The following CLSTN2 variants were observed in gnomAD, a reference collection of about 807,000 sequenced individuals.
The protein encoded by CLSTN2 is calsyntenin-2.
Under a neutral mutation model 101.2 loss-of-function variants are expected in CLSTN2, and 48 were observed. The ratio of observed to expected loss-of-function variants is 0.47; its 90% confidence interval spans 0.38 to 0.60. The LOEUF is 0.60. Ranked by LOEUF, CLSTN2 falls within the 20% of genes least tolerant of loss-of-function variation. CLSTN2 has a pLI of 0.00. For synonymous variants in CLSTN2, 481 were observed against 463.6 expected, an observed-to-expected ratio of 1.04 and a Z score of -0.48; for missense variants, 1,160 against 1,238.2, an observed-to-expected ratio of 0.94 and a Z score of 0.95.
intron 1 of CLSTN2, among the ~76,000 whole-genome samples, chr3:140,137,218 T>G (rs2009628492): frequency 1.3e-5 from 2 of 152,058 alleles, no homozygotes; most frequent in South Asian, 2.1e-4. Context: ...AGGATCCCAA[T>G]GATACAAAAT....
At chr3:140,185,144 C>T (rs1043550852) in intron 2 of CLSTN2, among the ~76,000 whole-genome samples, 22 of 152,030 alleles carry the variant, frequency 1.4e-4, no homozygotes, top group Non-Finnish European at 1.9e-4. Context: ...ATCCCAAGTC[C>T]GGGGGACTTG....
intron 2 of CLSTN2, among the ~76,000 whole-genome samples, chr3:140,206,907 C>A (rs948198497): frequency 7.9e-5 from 12 of 152,186 alleles, no homozygotes; most frequent in South Asian, 2.1e-4. Flanking sequence ...GCTCTGGCCA[C>A]CTGCCTGAGC....
intron 1 of CLSTN2, among the ~76,000 whole-genome samples, chr3:140,076,437 G>A (rs1011190764): frequency 2.0e-5 from 3 of 151,996 alleles, no homozygotes; most frequent in Admixed American, 2.0e-4. Context: ...GCCACAAGAA[G>A]CAACAGTGCT....
chr3:140,273,953 C>T (rs191573158), intron 2 of CLSTN2, among the ~76,000 whole-genome samples: 51 of 152,196 alleles, frequency 3.4e-4, no homozygotes, highest in Non-Finnish European at 5.6e-4. Context: ...GATAGTTGAA[C>T]GCACAGAGCC....
intron 2 of CLSTN2, among the ~76,000 whole-genome samples, chr3:140,289,328 G>GT (rs60116021): frequency 0.047 from 7,079 of 150,264 alleles, 250 homozygotes; most frequent in Non-Finnish European, 0.074. Flanking sequence ...ATGGTTTTGT[G>GT]TTTTTTTTTG....
chr3:139,944,112 GATATTAACTCATTCA>G (rs2107807660), intron 1 of CLSTN2, among the ~76,000 whole-genome samples: 1 of 152,240 alleles, frequency 6.6e-6, no homozygotes, highest in East Asian at 1.9e-4. Flanking sequence ...CTGCTTTATA[GATATTAACTCATTCA>G]GCCTTCCTGA....
intron 2 of CLSTN2, among the ~76,000 whole-genome samples, chr3:140,318,530 G>T (rs537427465): frequency 2.6e-5 from 4 of 152,248 alleles, no homozygotes; most frequent in African/African-American, 4.8e-5. Context: ...ATTATCAAGG[G>T]CCCCCTCAGG....
chr3:140,161,275 C>A (rs565452370), intron 1 of CLSTN2, among the ~76,000 whole-genome samples: 6 of 152,246 alleles, frequency 3.9e-5, no homozygotes, highest in African/African-American at 1.4e-4. Context: ...ATTCAGAGTC[C>A]AAATGTATTT....
chr3:140,486,137 A>G (rs1934237237), intron 8 of CLSTN2, among the ~76,000 whole-genome samples: 1 of 152,144 alleles, frequency 6.6e-6, no homozygotes, highest in Non-Finnish European at 1.5e-5. Context: ...AAGACACATT[A>G]CATATGGGAA....
chr3:140,005,643 AG>A (rs1438373414), intron 1 of CLSTN2, among the ~76,000 whole-genome samples: 1 of 152,216 alleles, frequency 6.6e-6, no homozygotes, highest in Non-Finnish European at 1.5e-5. Context: ...GTTAGACCTG[AG>A]GAGACAAAAG....
At chr3:140,104,414 T>C (rs1001138799) in intron 1 of CLSTN2, among the ~76,000 whole-genome samples, 1 of 152,122 alleles carries the variant, frequency 6.6e-6, no homozygotes, top group African/African-American at 2.4e-5. Flanking sequence ...GGGTTCTTTG[T>C]TTGGTGCCAA....
At chr3:140,208,621 A>C (rs1182839725) in intron 2 of CLSTN2, among the ~76,000 whole-genome samples, 1 of 152,008 alleles carries the variant, frequency 6.6e-6, no homozygotes, top group Non-Finnish European at 1.5e-5. Flanking sequence ...TATTTTTTGC[A>C]TCCCTGACTC....
intron 2 of CLSTN2, among the ~76,000 whole-genome samples, chr3:140,289,002 G>A (rs539598057): frequency 1.3e-5 from 2 of 152,240 alleles, no homozygotes; most frequent in East Asian, 3.9e-4. Context: ...CTCTTTTGCT[G>A]CGTTGATTAT....
At chr3:139,937,311 C>G (rs1029073957) in intron 1 of CLSTN2, among the ~76,000 whole-genome samples, 2 of 151,526 alleles carry the variant, frequency 1.3e-5, no homozygotes, top group Non-Finnish European at 1.5e-5. Flanking sequence ...TAGAGGTAAG[C>G]GAGAAAGAGA....
chr3:140,462,098 G>A (rs1240223268), intron 7 of CLSTN2, among the ~76,000 whole-genome samples: 2 of 151,634 alleles, frequency 1.3e-5, no homozygotes, highest in Admixed American at 6.6e-5. Context: ...TAACCACTAG[G>A]GAAATATTTT....
chr3:140,496,642 T>A (rs1332070759), intron 8 of CLSTN2, among the ~76,000 whole-genome samples: 2 of 152,198 alleles, frequency 1.3e-5, no homozygotes, highest in Non-Finnish European at 2.9e-5. Flanking sequence ...GTTCCTTCAA[T>A]ATCTAGTTTA....
intron 1 of CLSTN2, among the ~76,000 whole-genome samples, chr3:140,040,932 GA>G (rs1377409841): frequency 6.6e-6 from 1 of 152,110 alleles, no homozygotes; most frequent in African/African-American, 2.4e-5. Flanking sequence ...GATGAGGAAA[GA>G]AAATGGGTCT....
chr3:140,423,661 T>A (rs540928991), intron 5 of CLSTN2, among the ~76,000 whole-genome samples: 1 of 149,670 alleles, frequency 6.7e-6, no homozygotes, highest in African/African-American at 2.6e-5. Context: ...CCACCACCCA[T>A]TTTTTCTTTT....
chr3:140,290,240 A>G (rs192402465), intron 2 of CLSTN2, among the ~76,000 whole-genome samples: 22 of 152,126 alleles, frequency 1.4e-4, no homozygotes, highest in Non-Finnish European at 2.8e-4. Flanking sequence ...AGTTCAGTGA[A>G]TAGTTTCCCT....
Sources: allele counts gnomAD v4.1 joint callset (sites outside exome capture counted in the v4.1 genomes callset), GRCh38; gene constraint gnomAD v4.1.1; transcripts MANE v1.5; gene names NCBI Gene and HGNC (gene_info 2026-07-23, HGNC 2026-07-21).